Variants in CCDC18 observed in about 807,000 individuals in gnomAD.
CCDC18 encodes the protein coiled-coil domain containing 18, also known as coiled-coil domain-containing protein 18.
In CCDC18, 157 loss-of-function variants were observed where a neutral mutation model predicts 196.0. The observed-to-expected ratio is 0.80, with a 90% confidence interval of 0.70 to 0.91. The LOEUF is 0.91. Among genes scored for constraint, CCDC18 ranks in the 40% least tolerant of loss-of-function variants. The pLI is 0.00. For synonymous variants in CCDC18, 482 were observed against 529.2 expected (o/e 0.91, Z 1.22); for missense variants, 1,465 against 1,611.6 (o/e 0.91, Z 1.56).
At chr1:93,258,511 A>G (rs773832012) in intron 25 of CCDC18, among the ~76,000 whole-genome samples, 4 of 152,188 alleles carry the variant, frequency 2.6e-5, no homozygotes, top group Non-Finnish European at 5.9e-5. Context: ...TTTTATAGAA[A>G]GCATTGGTTA....
chr1:93,184,967 T>G, intron 3 of CCDC18, among the ~76,000 whole-genome samples: 1 of 151,862 alleles, frequency 6.6e-6, no homozygotes, highest in Admixed American at 6.6e-5. Context: ...GTGCCTTAAT[T>G]GGGAAAACAA....
At chr1:93,270,007 G>A (rs540612680) in intron 27 of CCDC18, among the ~76,000 whole-genome samples, 23 of 152,198 alleles carry the variant, frequency 1.5e-4, no homozygotes, top group Middle Eastern at 3.4e-3. Context: ...AAAAGATAGC[G>A]TACCTCTACA....
chr1:93,270,915 T>C (rs1665202566), intron 28 of CCDC18, 101 bp downstream of exon 28: 1 of 1,390,450 alleles, frequency 7.2e-7, no homozygotes, highest in Non-Finnish European at 9.4e-7. Flanking sequence ...AAACTACTAA[T>C]ATTTGAAGAA....
intron 1 of CCDC18, 69 bp downstream of exon 1, chr1:93,180,921 C>T (rs1557587616): frequency 1.8e-5 from 24 of 1,336,476 alleles, no homozygotes; most frequent in Admixed American, 3.9e-5. Flanking sequence ...ACCGGCTTAC[C>T]TGGGGGAGTT....
chr1:93,273,352 G>C (rs759473823), intron 28 of CCDC18: 1 of 152,326 alleles, frequency 6.6e-6, no homozygotes, highest in Non-Finnish European at 1.5e-5. Context: ...ACAGGCGTGA[G>C]CCATCGTGCC....
intron 28 of CCDC18, among the ~76,000 whole-genome samples, chr1:93,274,765 T>C (rs1363222570): frequency 6.6e-6 from 1 of 152,162 alleles, no homozygotes; most frequent in African/African-American, 2.4e-5. Context: ...GGAGGATTGC[T>C]TGAGCCCAGT....
At chr1:93,225,676 C>T (rs1283197905) in intron 16 of CCDC18, among the ~76,000 whole-genome samples, 2 of 151,608 alleles carry the variant, frequency 1.3e-5, no homozygotes, top group Non-Finnish European at 2.9e-5. Flanking sequence ...ACTCAGGAGG[C>T]GGAGGCAGGA....
At chr1:93,265,139 A>T (rs1202919026) in intron 27 of CCDC18, among the ~76,000 whole-genome samples, 1 of 152,212 alleles carries the variant, frequency 6.6e-6, no homozygotes, top group African/African-American at 2.4e-5. Context: ...CATAATGTTT[A>T]GAGGGTTTTA....
Position 93,217,834 on chromosome 1 carries a change from G to C in CCDC18, c.1927G>C (p.Glu643Gln). The part of the protein sequence containing the change: ...AFEKAKKIHL[E>Q]QHKEMEKQIE... ...TGAAAAAGCAAAGAAAATTCACTTGGAACAGCATAAAGAAATGGAAAAGCA... is the reference window on the plus strand; with the variant it reads ...TGAAAAAGCAAAGAAAATTCACTTGCAACAGCATAAAGAAATGGAAAAGCA... The change falls in exon 14 of 29, where the codon GAA (glutamate) becomes CAA (glutamine). Residue 643 changes from glutamate (E) to glutamine (Q), a missense_variant. Glu to Gln is a conservative substitution (Grantham distance 29). Transcript: ENST00000690025. The C allele has an allele frequency of 1.9e-6, 3 of 1,612,502 alleles. No homozygotes were observed. The highest frequency in any genetic ancestry group is 2.5e-6 in the Non-Finnish European group (3 of 1,178,740).
At chr1:93,197,745 C>CTTTTTTTTTTTTTTTTTTT (rs71094240) in intron 6 of CCDC18, among the ~76,000 whole-genome samples, 2 of 76,016 alleles carry the variant, frequency 2.6e-5, no homozygotes, top group Non-Finnish European at 4.8e-5. Context: ...CTTTTCTTTT[C>CTTTTTTTTTTTTTTTTTTT]TTTTTTTTTT....
intron 27 of CCDC18, among the ~76,000 whole-genome samples, chr1:93,269,461 TA>T (rs35716144): frequency 0.034 from 4,359 of 126,352 alleles, 135 homozygotes; most frequent in African/African-American, 0.099. Flanking sequence ...GATGAAGTAG[TA>T]AAAAAAAAAA....
At chr1:93,232,224 A>T (rs949376482) in intron 17 of CCDC18, among the ~76,000 whole-genome samples, 4 of 152,224 alleles carry the variant, frequency 2.6e-5, no homozygotes. Context: ...AACCAAGAGC[A>T]ATCCTATAAG....
chr1:93,260,513 T>C (rs1255605458), intron 26 of CCDC18, among the ~76,000 whole-genome samples: 2 of 152,192 alleles, frequency 1.3e-5, no homozygotes, highest in Non-Finnish European at 2.9e-5. Context: ...AAATTTACTT[T>C]TAAAATATAT....
intron 26 of CCDC18, among the ~76,000 whole-genome samples, chr1:93,264,175 A>T (rs978314066): frequency 6.6e-6 from 1 of 152,184 alleles, no homozygotes; most frequent in African/African-American, 2.4e-5. Context: ...ACTCACTATC[A>T]TGAGAACAGC....
At chr1:93,210,460 C>G (rs995734322) in intron 9 of CCDC18, among the ~76,000 whole-genome samples, 3 of 152,050 alleles carry the variant, frequency 2.0e-5, no homozygotes, top group African/African-American at 7.2e-5. Flanking sequence ...GTATCCTTCT[C>G]GTCCATGTTT....
At chr1:93,248,868 G>C (rs548604199) in intron 23 of CCDC18, among the ~76,000 whole-genome samples, 4,231 of 151,792 alleles carry the variant, frequency 0.028, 188 homozygotes, top group African/African-American at 0.096. Flanking sequence ...AGCTATTAAG[G>C]AGGCTGAGGT....
At chr1:93,190,472 T>G (rs1651561285) in intron 4 of CCDC18, among the ~76,000 whole-genome samples, 1 of 152,092 alleles carries the variant, frequency 6.6e-6, no homozygotes, top group African/African-American at 2.4e-5. Context: ...GGTGACAGAG[T>G]GAGACTCCAT....
chr1:93,219,174 C>A (rs1657001389), intron 14 of CCDC18, among the ~76,000 whole-genome samples: 1 of 152,100 alleles, frequency 6.6e-6, no homozygotes. Context: ...AAATTTAATG[C>A]CTTTTCTATT....
Position 93,246,094 on chromosome 1 carries a change from A to T in CCDC18, c.2982-11A>T. The T allele has an allele frequency of 6.4e-7, 1 of 1,560,046 alleles. No homozygotes were observed. Among genetic ancestry groups the T allele is most frequent in the Non-Finnish European group, 8.7e-7 (1 of 1,149,202 alleles). On this transcript the variant is annotated splice_polypyrimidine_tract_variant and intron_variant, in intron 21 of 28. Coordinates refer to ENST00000690025, the MANE Select transcript of CCDC18 (RefSeq NM_001378204.1). The stretch of plus-strand genomic sequence containing the variant: ...TATCTGCTTTGATCTTTTTCCTTTG[A>T]TAAATTGTAGAGAATGCAAGATGGA...
Sources: gnomAD v4.1 joint callset for allele counts (sites outside exome capture counted in the v4.1 genomes callset) on GRCh38, gnomAD v4.1.1 for gene constraint, MANE v1.5 for transcripts, NCBI Gene and HGNC (gene_info 2026-07-23, HGNC 2026-07-21) for gene names.